NBN: variants seen among roughly 807,000 people sequenced by gnomAD.
NBN encodes nibrin.
Under a neutral mutation model 90.8 loss-of-function variants are expected in NBN, and 88 were observed. That is an observed-to-expected ratio of 0.97 (90% CI 0.82 to 1.16). The LOEUF is 1.16. Ranked by LOEUF, NBN falls within the 50% of genes most tolerant of loss-of-function variation. The pLI is 0.00. For missense variants in NBN, 894 were observed against 869.6 expected, an observed-to-expected ratio of 1.03 and a Z score of -0.35; for synonymous variants, 328 against 295.1, an observed-to-expected ratio of 1.11 and a Z score of -1.14.
At chr8:89,951,758 TA>T (rs11457141) in intron 11 of NBN, among the ~76,000 whole-genome samples, 4 of 149,138 alleles carry the variant, frequency 2.7e-5, no homozygotes, top group East Asian at 2.0e-4. Context: ...TCCTTCACAA[TA>T]AAAAAAAAAC....
intron 15 of NBN, chr8:89,936,107 T>TTTTA: frequency 7.8e-6 from 3 of 382,852 alleles, no homozygotes; most frequent in East Asian, 8.5e-5. Context: ...TTTTTTTTTT[T>TTTTA]GAGATGGAGT....
intron 5 of NBN, among the ~76,000 whole-genome samples, chr8:89,976,149 A>C (rs992064825): frequency 6.6e-6 from 1 of 151,918 alleles, no homozygotes; most frequent in African/African-American, 2.4e-5. Flanking sequence ...CTGCCACCAC[A>C]CCCAGCTAAT....
At chr8:89,978,102 A>C (rs1208073447) in intron 5 of NBN, 118 bp downstream of exon 5, 1 of 927,448 alleles carries the variant, frequency 1.1e-6, no homozygotes, top group African/African-American at 1.7e-5. Context: ...AATAATACCG[A>C]ACTATAACAC....
intron 5 of NBN, among the ~76,000 whole-genome samples, chr8:89,974,527 A>G (rs947604239): frequency 1.3e-5 from 2 of 152,150 alleles, no homozygotes; most frequent in African/African-American, 4.8e-5. Context: ...GGATGCTGGC[A>G]GAAGACAAAC....
chr8:89,958,991 T>A, intron 8 of NBN, 137 bp from the exon 9 acceptor site: 1 of 1,153,206 alleles, frequency 8.7e-7, no homozygotes, highest in Non-Finnish European at 1.3e-6. Context: ...CTCCAATGAG[T>A]GGTACCAACA....
chr8:89,978,125 A>C, intron 5 of NBN, 95 bp downstream of exon 5: 1 of 1,108,940 alleles, frequency 9.0e-7, no homozygotes. Flanking sequence ...CAACTATTAC[A>C]TCCTGAAACA....
chr8:89,965,095 C>CA (rs1417659566), intron 7 of NBN, among the ~76,000 whole-genome samples: 1 of 150,550 alleles, frequency 6.6e-6, no homozygotes, highest in Non-Finnish European at 1.5e-5. Flanking sequence ...GCCTGGATGA[C>CA]AAAGCGAGAC....
At position 89,946,173 on chromosome 8, in the gene NBN, A is replaced by G. The variant is rs864622555; in HGVS notation, c.2037T>C (p.Tyr679=). ...SRNPSGINDD[Y]GQLKNFKKFK... ...ATTTCTTGAAATTTTTTAGTTGACC[A>G]TAATCATCATTTATGCCAGATGGAT... Residue 679 remains tyrosine (Y), a synonymous_variant, in exon 13 of 16, where the codon TAT becomes TAC. Coordinates refer to ENST00000265433, the MANE Select transcript of NBN (RefSeq NM_002485.5). The G allele has an allele frequency of 1.9e-6, 3 of 1,601,134 alleles. No individual in the cohort carries two copies. Among genetic ancestry groups the G allele is most frequent in the Middle Eastern group, 1.7e-4 (1 of 5,872 alleles).
At chr8:89,943,418 C>A in intron 13 of NBN, 52 bp from the exon 14 acceptor site, 1 of 1,551,250 alleles carries the variant, frequency 6.4e-7, no homozygotes, top group Non-Finnish European at 8.9e-7. Flanking sequence ...ACAAAAATGA[C>A]CATTTTTTTA....
In NBN at chr8:89,984,527, C is replaced by T. The variant is rs730881860; in HGVS notation, c.35G>A (p.Gly12Glu). ...WKLLPAAGPA[G>E]GEPYRLLTGV... ...CGAGGCTTCCCTTCTGCCCTTACCT[C>T]CTGCCGGGCCCGCGGCGGGCAGCAG... Residue 12 changes from glycine (G) to glutamate (E), a missense_variant and splice_region_variant, in exon 1 of 16, where the codon GGA becomes GAA. By Grantham distance (98) the Gly-to-Glu change is moderately conservative. Transcript: ENST00000265433. 1.2e-6 allele frequency: 2 copies of T among 1,613,124 alleles called. No homozygotes were observed. The highest frequency in any genetic ancestry group is 1.7e-6 in the Non-Finnish European group (2 of 1,179,666).
chr8:89,978,284 G>T lies in NBN; in HGVS notation c.520C>A (p.Pro174Thr), dbSNP rs587778546. The T allele has an allele frequency of 3.1e-6, 5 of 1,597,950 alleles. No individual in the cohort carries two copies. The Admixed American group carries it at 6.7e-5, about 21-fold the overall frequency. The change falls in exon 5 of 16, where the codon CCA (proline) becomes ACA (threonine). Residue 174 changes from proline (P) to threonine (T), a missense_variant. By Grantham distance (38) the Pro-to-Thr change is conservative (BLOSUM62 -1). Transcript: ENST00000265433. ...ALICGRPIVKPEYFTEFLKAV... is the reference protein window; with the variant it reads ...ALICGRPIVKTEYFTEFLKAV... ...TTCAGGAATTCAGTAAAATATTCTG[G>T]CTTTACAATTGGACGTCCACAAATG...
At chr8:89,962,232 T>C (rs1304302992) in intron 8 of NBN, among the ~76,000 whole-genome samples, 1 of 152,202 alleles carries the variant, frequency 6.6e-6, no homozygotes, top group Non-Finnish European at 1.5e-5. Context: ...TGTACGTTTG[T>C]ATTCAGAATT....
intron 12 of NBN, 71 bp downstream of exon 12, chr8:89,947,753 A>G: frequency 1.2e-6 from 1 of 861,544 alleles, no homozygotes; most frequent in Non-Finnish European, 1.9e-6. Context: ...AGAATGTAAA[A>G]TCACAAAAAT....
intron 8 of NBN, among the ~76,000 whole-genome samples, chr8:89,960,711 T>C (rs1810955512): frequency 6.6e-6 from 1 of 152,198 alleles, no homozygotes; most frequent in Admixed American, 6.5e-5. Flanking sequence ...ACAGATTACT[T>C]ACAATTTTCT....
rs1216397320 is a variant in NBN at position 89,935,632 on chromosome 8, G to A, written c.2235-20C>T. The stretch of plus-strand genomic sequence containing the variant: ...TTGTATCTGCAAAGAAAGAAATGGG[G>A]TTAAATGATATTTAGATAAGGGATG... On this transcript the variant is annotated intron_variant, in intron 15 of 15. Coordinates refer to ENST00000265433, the MANE Select transcript of NBN (RefSeq NM_002485.5). 1 of 1,603,238 alleles carries A rather than the reference G, an allele frequency of 6.2e-7. No individual in the cohort carries two copies. The highest frequency in any genetic ancestry group is 1.3e-5 in the African/African-American group (1 of 74,646).
intron 4 of NBN, among the ~76,000 whole-genome samples, chr8:89,979,140 G>A (rs1811923252): frequency 6.6e-6 from 1 of 152,084 alleles, no homozygotes; most frequent in South Asian, 2.1e-4. Context: ...ACCATACCCA[G>A]CTAATTTTTA....
chr8:89,956,847 A>G (rs1375048183), intron 9 of NBN, among the ~76,000 whole-genome samples: 2 of 152,220 alleles, frequency 1.3e-5, no homozygotes, highest in Non-Finnish European at 2.9e-5. Flanking sequence ...ACTGCAACAT[A>G]TGATGCTGGT....
chr8:89,955,476 TG>T lies in NBN; in HGVS notation c.1203del (p.Thr402LeufsTer2). The T allele has an allele frequency of 1.2e-6, 2 of 1,613,662 alleles. No individual in the cohort carries two copies. Among genetic ancestry groups the T allele is most frequent in the Non-Finnish European group, 1.7e-6 (2 of 1,179,658 alleles). ...QKFRMLSQDA[P>X]TVKESCKTSS... ...CTTGTTTTGCAGGACTCCTTTACAG[TG>T]GGTGCATCTTGTGAAAGCATTCTGA... On this transcript the variant is annotated frameshift_variant, in exon 10 of 16. Transcript: ENST00000265433. LOFTEE classifies it high-confidence loss of function.
intron 10 of NBN, among the ~76,000 whole-genome samples, chr8:89,954,504 T>A (rs1810604106): frequency 6.7e-6 from 1 of 149,410 alleles, no homozygotes; most frequent in African/African-American, 2.5e-5. Context: ...AGGACAAGAG[T>A]CAAAAATTGT....
Sources: allele counts gnomAD v4.1 joint callset (sites outside exome capture counted in the v4.1 genomes callset), GRCh38; gene constraint gnomAD v4.1.1; transcripts MANE v1.5; gene names NCBI Gene and HGNC (gene_info 2026-07-23, HGNC 2026-07-21).